Variants in ANKRD31 observed in about 807,000 individuals in gnomAD.
ANKRD31 encodes the protein ankyrin repeat domain 31, also known as ankyrin repeat domain-containing protein 31.
ANKRD31 carries 147 observed loss-of-function variants against 186.0 expected under a neutral mutation model. The ratio of observed to expected loss-of-function variants is 0.79; its 90% CI spans 0.69 to 0.91. ANKRD31 has a LOEUF of 0.91. ANKRD31 is among the 40% of genes least tolerant of loss of function. ANKRD31 has a pLI of 0.00. For synonymous variants in ANKRD31, 673 were observed against 736.4 expected (o/e 0.91, Z 1.39); for missense variants, 1,986 against 2,148.8 (o/e 0.92, Z 1.50).
In ANKRD31 at chr5:75,118,296, G is replaced by A; in HGVS notation, c.3878C>T (p.Ala1293Val). The change falls in exon 18 of 26, where the codon GCA (alanine) becomes GTA (valine). Residue 1293 changes from alanine to valine, a missense_variant and splice_region_variant. Transcript: ENST00000506364. Reference sequence around the variant, plus strand: ...TCCATTTTGTAGTAGAATCTCAGCTGCCTACAAAGTATTTTTTCAAAGTTA... The same window carrying A: ...TCCATTTTGTAGTAGAATCTCAGCTACCTACAAAGTATTTTTTCAAAGTTA... ...HDAVANNHLK[A>V]AEILLQNGAN... 1 of 1,477,810 alleles carries A rather than the reference G, an allele frequency of 6.8e-7. No individual in the cohort carries two copies. The highest frequency in any genetic ancestry group is 8.9e-7 in the Non-Finnish European group (1 of 1,125,682). The allele number at this position is 1,477,810 out of a possible 1,614,324, so 91.5% of individuals were successfully genotyped here. A position where few individuals can be genotyped will look rare whatever the true frequency, so the allele number is the denominator to read the frequency against.
chr5:75,234,967 T>C (rs1343841633), intron 1 of ANKRD31, among the ~76,000 whole-genome samples: 1 of 152,160 alleles, frequency 6.6e-6, no homozygotes, highest in African/African-American at 2.4e-5. Context: ...AATCCCATCA[T>C]TTCCTCGCTG....
intron 3 of ANKRD31, among the ~76,000 whole-genome samples, chr5:75,217,889 G>T (rs917974927): frequency 6.6e-6 from 1 of 152,090 alleles, no homozygotes; most frequent in Admixed American, 6.5e-5. Context: ...TGTAGTGGCT[G>T]GTAACAATCT....
intron 11 of ANKRD31, among the ~76,000 whole-genome samples, chr5:75,159,136 A>G (rs1183460003): frequency 6.6e-6 from 1 of 152,196 alleles, no homozygotes; most frequent in Non-Finnish European, 1.5e-5. Context: ...ACAGAAAAAA[A>G]GAATCACTGA....
chr5:75,235,187 T>C (rs905724764), intron 1 of ANKRD31, among the ~76,000 whole-genome samples: 1 of 151,910 alleles, frequency 6.6e-6, no homozygotes, highest in Admixed American at 6.6e-5. Context: ...TTATTTATTT[T>C]ACGATATAAA....
intron 1 of ANKRD31, among the ~76,000 whole-genome samples, chr5:75,232,580 T>C (rs1758015826): frequency 6.6e-6 from 1 of 151,974 alleles, no homozygotes; most frequent in Non-Finnish European, 1.5e-5. Context: ...TTTTTTTTAA[T>C]TTAAAAATAA....
At chr5:75,216,922 G>A (rs1756994332) in intron 3 of ANKRD31, among the ~76,000 whole-genome samples, 1 of 152,092 alleles carries the variant, frequency 6.6e-6, no homozygotes, top group Non-Finnish European at 1.5e-5. Flanking sequence ...GGTATGTTGT[G>A]TCTTTGCTCT....
In ANKRD31 at chr5:75,146,263, CTGTT is replaced by C; in HGVS notation, c.3144_3147del (p.Thr1049IlefsTer25). The C allele has an allele frequency of 6.5e-7, 1 of 1,536,420 alleles. No homozygotes were observed. The highest frequency in any genetic ancestry group is 1.2e-5 in the South Asian group (1 of 84,032). ...GCCATCTTTTCCACAATATGTGTATCTGTTTGATTCATTAAAAAAGTTGGTGCTC... is the reference window on the plus strand; with the variant it reads ...GCCATCTTTTCCACAATATGTGTATCTGATTCATTAAAAAAGTTGGTGCTC... On this transcript the variant is annotated frameshift_variant, in exon 14 of 26. Transcript: ENST00000506364. LOFTEE classifies it high-confidence loss of function.
intron 9 of ANKRD31, among the ~76,000 whole-genome samples, chr5:75,192,303 A>C (rs867132279): frequency 6.6e-6 from 1 of 152,128 alleles, no homozygotes. Context: ...ATGTTATAGG[A>C]ACACAGAAAT....
intron 12 of ANKRD31, among the ~76,000 whole-genome samples, chr5:75,150,880 A>G (rs974714593): frequency 6.6e-6 from 1 of 151,998 alleles, no homozygotes; most frequent in African/African-American, 2.4e-5. Flanking sequence ...TGTTAATACG[A>G]TTGTTTTAAT....
intron 13 of ANKRD31, among the ~76,000 whole-genome samples, 185 bp from the exon 14 acceptor site, chr5:75,147,690 G>A (rs1291256333): frequency 6.6e-6 from 1 of 151,806 alleles, no homozygotes; most frequent in Non-Finnish European, 1.5e-5. Context: ...ATAGAAGAAA[G>A]GCAAATGTAA....
chr5:75,116,425 AT>A (rs1164820195), intron 19 of ANKRD31, 140 bp downstream of exon 19: 1 of 267,060 alleles, frequency 3.7e-6, no homozygotes, highest in Admixed American at 5.4e-5. Flanking sequence ...TAAAAAATAA[AT>A]AAATAAATAA....
intron 9 of ANKRD31, 44 bp from the exon 10 acceptor site, chr5:75,188,692 T>C: frequency 6.8e-7 from 1 of 1,461,350 alleles, no homozygotes; most frequent in East Asian, 2.5e-5. Context: ...ATTATTTGAA[T>C]ATCAGAAGGA....
chr5:75,160,741 G>A (rs1285350346), intron 11 of ANKRD31, among the ~76,000 whole-genome samples: 1 of 152,152 alleles, frequency 6.6e-6, no homozygotes, highest in Non-Finnish European at 1.5e-5. Context: ...CCCACATGTT[G>A]CGGGAGGGAC....
At chr5:75,197,616 C>G (rs113547149) in intron 6 of ANKRD31, among the ~76,000 whole-genome samples, 1 of 152,084 alleles carries the variant, frequency 6.6e-6, no homozygotes, top group African/African-American at 2.4e-5. Context: ...AAGGAATATG[C>G]AAGAAATTCA....
chr5:75,199,599 C>A, intron 6 of ANKRD31, 32 bp downstream of exon 6: 1 of 1,490,858 alleles, frequency 6.7e-7, no homozygotes, highest in South Asian at 1.3e-5. Context: ...AACTCACAGT[C>A]TACATAGTTA....
intron 2 of ANKRD31, among the ~76,000 whole-genome samples, chr5:75,223,273 A>G (rs535688719): frequency 3.4e-4 from 52 of 151,088 alleles, no homozygotes; most frequent in Admixed American, 7.2e-4. Flanking sequence ...ATATTTTTCA[A>G]TTATTAAGAG....
At chr5:75,138,051 A>C in intron 16 of ANKRD31, 53 bp from the exon 17 acceptor site, 253 of 1,370,790 alleles carry the variant, frequency 1.8e-4, no homozygotes, top group Middle Eastern at 4.4e-4. Flanking sequence ...ATCAATACTC[A>C]TGTAATATCT....
At chr5:75,229,827 T>C (rs1370255661) in intron 2 of ANKRD31, among the ~76,000 whole-genome samples, 1 of 127,364 alleles carries the variant, frequency 7.9e-6, no homozygotes. Context: ...ATTGTGCCAC[T>C]GCACTCCAGC....
chr5:75,154,898 T>G (rs1752063044), intron 11 of ANKRD31, among the ~76,000 whole-genome samples: 2 of 152,014 alleles, frequency 1.3e-5, no homozygotes, highest in African/African-American at 4.8e-5. Context: ...TCAAACAACC[T>G]CCTCTATACA....
Sources: gnomAD v4.1 joint callset for allele counts (sites outside exome capture counted in the v4.1 genomes callset) on GRCh38, gnomAD v4.1.1 for gene constraint, MANE v1.5 for transcripts, NCBI Gene and HGNC (gene_info 2026-07-23, HGNC 2026-07-21) for gene names.